AHCYL2: variants seen among roughly 807,000 people sequenced by gnomAD.
The protein encoded by AHCYL2 is adenosylhomocysteinase like 2.
AHCYL2 carries 28 observed loss-of-function variants against 81.4 expected under a neutral mutation model. The observed-to-expected ratio is 0.34, with a 90% confidence interval of 0.25 to 0.47. AHCYL2 has a LOEUF of 0.47. Among genes scored for constraint, AHCYL2 ranks in the 20% least tolerant of loss-of-function variants. AHCYL2 has a pLI of 1.00. For missense variants in AHCYL2, 551 were observed against 785.1 expected (o/e 0.70, Z 3.56); for synonymous variants, 272 against 290.2 (o/e 0.94, Z 0.64).
intron 1 of AHCYL2, among the ~76,000 whole-genome samples, chr7:129,359,844 G>A (rs1008341151): frequency 6.6e-6 from 1 of 152,214 alleles, no homozygotes; most frequent in Non-Finnish European, 1.5e-5. Flanking sequence ...TTAGGGAGTA[G>A]AGAAGGTAGC....
chr7:129,289,369 G>A (rs1796755073), intron 1 of AHCYL2, among the ~76,000 whole-genome samples: 1 of 152,188 alleles, frequency 6.6e-6, no homozygotes, highest in Non-Finnish European at 1.5e-5. Context: ...TGAGATTGCG[G>A]GCGCAAGCCA....
intron 2 of AHCYL2, among the ~76,000 whole-genome samples, chr7:129,384,577 A>G (rs982685695): frequency 4.6e-5 from 7 of 152,134 alleles, no homozygotes; most frequent in South Asian, 4.1e-4. Flanking sequence ...TTTCAAAAAA[A>G]GATACTTTCC....
At chr7:129,409,414 C>A in intron 10 of AHCYL2, 62 bp from the exon 11 acceptor site, 1 of 1,291,708 alleles carries the variant, frequency 7.7e-7, no homozygotes, top group Non-Finnish European at 1.1e-6. Context: ...CTTTTGAAGT[C>A]CTGTGTTAAA....
chr7:129,280,714 C>G (rs890877045), intron 1 of AHCYL2, among the ~76,000 whole-genome samples: 1 of 151,842 alleles, frequency 6.6e-6, no homozygotes, highest in Admixed American at 6.6e-5. Flanking sequence ...TTTAGATCCC[C>G]TTTATCATGT....
rs969816913 is a variant in AHCYL2 at position 129,225,258 on chromosome 7, C to G, written c.182C>G (p.Pro61Arg). Residue 61 changes from proline (P) to arginine (R), a missense_variant, in exon 1 of 17, where the codon CCG becomes CGG. Transcript: ENST00000325006. ...EAPAPAAERP[P>R]VPGPGSGPAA... ...CCAGCTCCCGCCGCGGAGCGGCCCC[C>G]GGTCCCCGGCCCGGGCTCGGGGCCC... The G allele has an allele frequency of 2.7e-5, 39 of 1,456,588 alleles. No individual in the cohort carries two copies. The highest frequency in any genetic ancestry group is 3.1e-5 in the Non-Finnish European group (34 of 1,113,814). The allele number at this position is 1,456,588 out of a possible 1,614,324, so 90.2% of individuals were successfully genotyped here.
At chr7:129,234,543 G>T (rs1242306389) in intron 1 of AHCYL2, among the ~76,000 whole-genome samples, 2 of 152,050 alleles carry the variant, frequency 1.3e-5, no homozygotes, top group Admixed American at 6.6e-5. Flanking sequence ...ACCTGGCCAA[G>T]ATGGGGTCTC....
chr7:129,404,743 A>G (rs1009238020), intron 7 of AHCYL2, among the ~76,000 whole-genome samples: 2 of 152,196 alleles, frequency 1.3e-5, no homozygotes, highest in African/African-American at 4.8e-5. Flanking sequence ...TAGTTCTGGC[A>G]GGCAGGGAGA....
In AHCYL2 at chr7:129,368,378, C is replaced by G. The variant is rs1794205519; in HGVS notation, c.364-11260C>G. The G allele has an allele frequency of 6.5e-7, 1 of 1,549,048 alleles. No homozygotes were observed. Among genetic ancestry groups the G allele is most frequent in the South Asian group, 1.2e-5 (1 of 81,084 alleles). On this transcript the variant is annotated intron_variant, in intron 1 of 16. Coordinates refer to ENST00000325006, the MANE Select transcript of AHCYL2 (RefSeq NM_015328.4). The surrounding 1 kb of genome is among the most constrained non-coding windows in gnomAD (Gnocchi z 4.4). ...AAAGGGATGCAGCTTCTGCTAGCCA[C>G]TGTGAACTTCTGAATCTCACTAGGG...
chr7:129,333,867 T>G (rs879702942), intron 1 of AHCYL2, among the ~76,000 whole-genome samples: 14 of 152,232 alleles, frequency 9.2e-5, no homozygotes, highest in Non-Finnish European at 1.3e-4. Flanking sequence ...AACATTTTTT[T>G]GAAAAAACAT....
intron 12 of AHCYL2, among the ~76,000 whole-genome samples, chr7:129,417,399 T>G (rs1262574237): frequency 1.3e-5 from 2 of 152,198 alleles, no homozygotes; most frequent in African/African-American, 4.8e-5. Flanking sequence ...AACTCCTGAT[T>G]ATATCCTGAG....
intron 5 of AHCYL2, among the ~76,000 whole-genome samples, chr7:129,399,090 C>T (rs1330221731): frequency 1.5e-5 from 2 of 136,992 alleles, no homozygotes; most frequent in Non-Finnish European, 3.0e-5. Flanking sequence ...TGCAGTGAGC[C>T]GAGATCGCGC....
At chr7:129,337,461 G>A (rs1221562756) in intron 1 of AHCYL2, among the ~76,000 whole-genome samples, 1 of 151,806 alleles carries the variant, frequency 6.6e-6, no homozygotes, top group Non-Finnish European at 1.5e-5. Context: ...GTACAGTGAC[G>A]TGATCTCAGC....
At chr7:129,235,211 A>G (rs1794598659) in intron 1 of AHCYL2, among the ~76,000 whole-genome samples, 1 of 150,524 alleles carries the variant, frequency 6.6e-6, no homozygotes, top group African/African-American at 2.4e-5. Flanking sequence ...ACCGATCTTT[A>G]CTAGCTTCCA....
chr7:129,354,783 A>C (rs4460315), intron 1 of AHCYL2, among the ~76,000 whole-genome samples: 40,656 of 152,128 alleles, frequency 0.27, 6,873 homozygotes, highest in East Asian at 0.63. Flanking sequence ...AACTGCACTT[A>C]GAAGCAAAGT....
chr7:129,337,153 T>C (rs1469441477), intron 1 of AHCYL2, among the ~76,000 whole-genome samples: 1 of 152,214 alleles, frequency 6.6e-6, no homozygotes. Flanking sequence ...TTTTATCATC[T>C]CTTCTCCCCT....
chr7:129,324,946 A>G lies in AHCYL2; in HGVS notation c.364-54692A>G, dbSNP rs114504030. Among the ~76,000 whole-genome samples, 1,203 of 152,340 alleles carry G rather than the reference A, an allele frequency of 7.9e-3. 17 individuals carry two copies. Among genetic ancestry groups the G allele is most frequent in the African/African-American group, 0.026 (1,090 of 41,572 alleles). Reference sequence around the variant, plus strand: ...ACAGCACTTCACATATAGTATGTCAATCTTATGATAGTGTACTTCCATTTC... The same window carrying G: ...ACAGCACTTCACATATAGTATGTCAGTCTTATGATAGTGTACTTCCATTTC... On this transcript the variant is annotated intron_variant, in intron 1 of 16. Coordinates refer to ENST00000325006, the MANE Select transcript of AHCYL2 (RefSeq NM_015328.4).
intron 1 of AHCYL2, among the ~76,000 whole-genome samples, chr7:129,298,617 C>G (rs1236469300): frequency 2.0e-5 from 3 of 152,104 alleles, no homozygotes; most frequent in African/African-American, 7.2e-5. Flanking sequence ...GAGTTTTTTC[C>G]TAAACTTTGC....
chr7:129,293,995 TG>T (rs1426843468), intron 1 of AHCYL2, among the ~76,000 whole-genome samples: 36 of 151,658 alleles, frequency 2.4e-4, no homozygotes, highest in Non-Finnish European at 1.5e-5. Context: ...CTGGTTTGTT[TG>T]GTAGTAATGG....
At chr7:129,372,199 A>G (rs148977464) in intron 1 of AHCYL2, among the ~76,000 whole-genome samples, 1 of 152,360 alleles carries the variant, frequency 6.6e-6, no homozygotes, top group East Asian at 1.9e-4. Context: ...TGTAGTTTTC[A>G]AAACCCTCTC....
Sources: gnomAD v4.1 joint callset for allele counts (sites outside exome capture counted in the v4.1 genomes callset) on GRCh38, gnomAD v4.1.1 for gene constraint, Gnocchi (gnomAD v3.1) non-coding constraint, MANE v1.5 for transcripts, NCBI Gene and HGNC (gene_info 2026-07-23, HGNC 2026-07-21) for gene names.